Variants in GALNTL6 observed in about 807,000 individuals in gnomAD.
GALNTL6 encodes the protein polypeptide N-acetylgalactosaminyltransferase-like 6.
Under a neutral mutation model 73.7 loss-of-function variants are expected in GALNTL6, and 46 were observed. The ratio of observed to expected loss-of-function variants is 0.62; its 90% CI spans 0.49 to 0.80. The LOEUF (loss-of-function observed/expected upper bound fraction) is 0.80. Among genes scored for constraint, GALNTL6 ranks in the 30% least tolerant of loss-of-function variants. The pLI is 0.00. For synonymous variants in GALNTL6, 259 were observed against 263.7 expected, an observed-to-expected ratio of 0.98 and a Z score of 0.17; for missense variants, 604 against 755.0, an observed-to-expected ratio of 0.80 and a Z score of 2.34.
chr4:172,464,704 G>T (rs1357249377), intron 5 of GALNTL6, among the ~76,000 whole-genome samples: 5 of 150,492 alleles, frequency 3.3e-5, no homozygotes, highest in Non-Finnish European at 5.9e-5. Flanking sequence ...GTGAGACTCT[G>T]TCTCAAAAAT....
rs377273020 is a variant in GALNTL6, at chr4:173,040,003, T to C, written c.1709T>C (p.Met570Thr). Residue 570 changes from methionine to threonine, a missense_variant, in exon 13 of 13, where the codon ATG (methionine) becomes ACG (threonine). By Grantham distance (81) the Met-to-Thr change is moderately conservative. Transcript: ENST00000506823. Reference protein sequence around the residue: ...DCNPAEKKIFMARCDPLSETQ... With the variant: ...DCNPAEKKIFTARCDPLSETQ... ...AACCCCGCAGAGAAGAAGATTTTCA[T>C]GGCCAGATGTGACCCTCTCTCTGAG... The C allele has an allele frequency of 1.3e-5, 21 of 1,613,582 alleles. No homozygotes were observed. The African/African-American group carries it at 2.7e-4, about 21-fold the overall frequency.
intron 2 of GALNTL6, among the ~76,000 whole-genome samples, chr4:172,035,158 T>A (rs1376266735): frequency 6.6e-6 from 1 of 152,084 alleles, no homozygotes; most frequent in Non-Finnish European, 1.5e-5. Context: ...CAAAATAGTA[T>A]AAAGTAAGTA....
At chr4:172,789,204 C>G (rs1739855111) in intron 5 of GALNTL6, among the ~76,000 whole-genome samples, 1 of 152,158 alleles carries the variant, frequency 6.6e-6, no homozygotes, top group African/African-American at 2.4e-5. Context: ...TCTGGAACTT[C>G]TGATTGGCCG....
rs1345283865 is a variant in GALNTL6 at position 173,041,193 on chromosome 4, T to A, written c.*1093T>A. 1 of 146,296 alleles carries A rather than the reference T, an allele frequency of 6.8e-6. No homozygotes were observed. The highest frequency in any genetic ancestry group is 1.5e-5 in the Non-Finnish European group (1 of 65,286). The allele number at this position is 146,296 out of a possible 1,614,324, so 9.1% of individuals were successfully genotyped here. On this transcript the variant is annotated 3_prime_UTR_variant, in exon 13 of 13. Transcript: ENST00000506823. ...GTTTGGGTTTTGCTTTTGTTTTTTA[T>A]TTTTTTCTTGTTTTTTTTTTGTAGT... is the stretch of plus-strand genomic sequence containing the variant.
intron 4 of GALNTL6, among the ~76,000 whole-genome samples, chr4:172,313,165 G>A (rs112483659): frequency 0.035 from 4,538 of 129,148 alleles, 224 homozygotes; most frequent in African/African-American, 0.12. Flanking sequence ...TCCCACTGTC[G>A]CCCAGGCTGG....
chr4:171,862,838 T>G (rs1735869928), intron 2 of GALNTL6, among the ~76,000 whole-genome samples: 1 of 152,146 alleles, frequency 6.6e-6, no homozygotes, highest in African/African-American at 2.4e-5. Flanking sequence ...TTTATTTTAT[T>G]AGCCCCCAAA....
intron 5 of GALNTL6, among the ~76,000 whole-genome samples, chr4:172,617,671 C>T (rs1056952894): frequency 3.3e-5 from 5 of 151,468 alleles, no homozygotes; most frequent in Admixed American, 1.3e-4. Context: ...TTAGTAGAGA[C>T]GGGGTTCCAC....
intron 2 of GALNTL6, among the ~76,000 whole-genome samples, chr4:172,213,010 C>T (rs151074051): frequency 1.6e-4 from 24 of 152,244 alleles, no homozygotes; most frequent in African/African-American, 5.8e-4. Flanking sequence ...CTTGCATTTC[C>T]TAAAGTATCA....
At chr4:171,908,336 G>A (rs930791344) in intron 2 of GALNTL6, among the ~76,000 whole-genome samples, 1 of 152,056 alleles carries the variant, frequency 6.6e-6, no homozygotes, top group African/African-American at 2.4e-5. Flanking sequence ...AGTGGGAGAA[G>A]GACATGAACA....
chr4:171,885,164 G>A (rs1736574318), intron 2 of GALNTL6, among the ~76,000 whole-genome samples: 1 of 152,110 alleles, frequency 6.6e-6, no homozygotes, highest in African/African-American at 2.4e-5. Context: ...CTCGCATGAA[G>A]TCTCCTAACC....
At chr4:172,178,502 G>A (rs1405215115) in intron 2 of GALNTL6, among the ~76,000 whole-genome samples, 1 of 151,992 alleles carries the variant, frequency 6.6e-6, no homozygotes, top group African/African-American at 2.4e-5. Context: ...TCCTACTTAT[G>A]AGTAAGAATA....
chr4:172,395,294 A>G (rs1743810044), intron 5 of GALNTL6, among the ~76,000 whole-genome samples: 1 of 152,192 alleles, frequency 6.6e-6, no homozygotes, highest in African/African-American at 2.4e-5. Context: ...TTACTTTTGT[A>G]TTTATGGACA....
intron 5 of GALNTL6, among the ~76,000 whole-genome samples, chr4:172,418,620 A>C (rs1175663457): frequency 3.9e-5 from 6 of 152,214 alleles, no homozygotes; most frequent in African/African-American, 1.2e-4. Flanking sequence ...AAGAGAATAA[A>C]TGCTTGCTAT....
Position 172,850,920 on chromosome 4 carries a change from G to A in GALNTL6, c.924-31870G>A, listed in dbSNP as rs187866766. 1.9e-3 allele frequency among the ~76,000 whole-genome samples: 287 copies of A among 152,222 alleles called. 1 individual carries two copies. The highest frequency in any genetic ancestry group is 6.7e-3 in the African/African-American group (277 of 41,540). ...AGGGGAAGAGGCAGGGAGCTTCCATGTCCTCAGGTGCACCATCTTCTAAGC... is the reference window on the plus strand; with the variant it reads ...AGGGGAAGAGGCAGGGAGCTTCCATATCCTCAGGTGCACCATCTTCTAAGC... On this transcript the variant is annotated intron_variant, in intron 7 of 12. Transcript: ENST00000506823.
chr4:172,370,907 AGT>A (rs1742783707), intron 5 of GALNTL6, among the ~76,000 whole-genome samples: 2 of 152,246 alleles, frequency 1.3e-5, no homozygotes, highest in South Asian at 4.1e-4. Context: ...ATCCTTTGAG[AGT>A]GTGTGGTAGT....
chr4:172,177,181 A>C (rs1735028470), intron 2 of GALNTL6, among the ~76,000 whole-genome samples: 1 of 152,142 alleles, frequency 6.6e-6, no homozygotes, highest in South Asian at 2.1e-4. Context: ...TGGTCTGAGA[A>C]GTTTGCTTTT....
At chr4:173,022,084 AAGGAAAGAAG>A (rs1579793535) in intron 12 of GALNTL6, among the ~76,000 whole-genome samples, 92 of 133,328 alleles carry the variant, frequency 6.9e-4, no homozygotes, top group African/African-American at 9.5e-4. Flanking sequence ...GGAAGGAAGG[AAGGAAAGAAG>A]GAAGGAAGGA....
At chr4:172,110,615 G>A (rs1423222656) in intron 2 of GALNTL6, among the ~76,000 whole-genome samples, 1 of 152,146 alleles carries the variant, frequency 6.6e-6, no homozygotes, top group Non-Finnish European at 1.5e-5. Context: ...TTATAAAACA[G>A]TGGCTTAAAC....
At chr4:172,045,099 C>A (rs1742182015) in intron 2 of GALNTL6, among the ~76,000 whole-genome samples, 1 of 151,926 alleles carries the variant, frequency 6.6e-6, no homozygotes, top group African/African-American at 2.4e-5. Flanking sequence ...TGACATTTTA[C>A]CTTCATTTAA....
Sources: allele counts gnomAD v4.1 joint callset (sites outside exome capture counted in the v4.1 genomes callset), GRCh38; gene constraint gnomAD v4.1.1; transcripts MANE v1.5; gene names NCBI Gene and HGNC (gene_info 2026-07-23, HGNC 2026-07-21).